The following MSI2 variants were observed in gnomAD, a reference collection of about 807,000 sequenced individuals.
The protein encoded by MSI2 is musashi RNA binding protein 2.
Under a neutral mutation model 45.6 loss-of-function variants are expected in MSI2, and 17 were observed. The ratio of observed to expected loss-of-function variants is 0.37; its 90% CI spans 0.26 to 0.56. The LOEUF is 0.56. Among genes scored for constraint, MSI2 ranks in the 20% least tolerant of loss-of-function variants. The probability of loss-of-function intolerance (pLI) is 0.77; values close to 1 mark genes in which losing one functional copy is unlikely to be tolerated. For synonymous variants in MSI2, 156 were observed against 158.2 expected, an observed-to-expected ratio of 0.99 and a Z score of 0.11; for missense variants, 293 against 444.2, an observed-to-expected ratio of 0.66 and a Z score of 3.06.
At chr17:57,339,242 C>T (rs1206563537) in intron 5 of MSI2, among the ~76,000 whole-genome samples, 5 of 152,180 alleles carry the variant, frequency 3.3e-5, no homozygotes, top group South Asian at 4.1e-4. Flanking sequence ...GTGGTGGCTT[C>T]GCGTTTGGGC....
At chr17:57,505,507 T>C (rs540887060) in intron 6 of MSI2, among the ~76,000 whole-genome samples, 12 of 152,314 alleles carry the variant, frequency 7.9e-5, no homozygotes, top group African/African-American at 2.9e-4. Flanking sequence ...TCTTCCAGAC[T>C]TACTGAACAA....
intron 11 of MSI2, among the ~76,000 whole-genome samples, chr17:57,666,959 C>T (rs1016510438): frequency 2.9e-4 from 44 of 152,224 alleles, no homozygotes; most frequent in African/African-American, 1.1e-3. Context: ...AGCCACCAAA[C>T]TGTAAGAGAC....
In MSI2 at chr17:57,494,743, G is replaced by T. The variant is rs1178053745; in HGVS notation, c.406-34933G>T. ...TCAGTGAGTTGAAGAAACTTGTCCC[G>T]GACCACACACCTGGTCTATGGCCAT... On this transcript the variant is annotated intron_variant, in intron 6 of 13. Coordinates refer to ENST00000284073, the MANE Select transcript of MSI2 (RefSeq NM_138962.4). 4.6e-5 allele frequency among the ~76,000 whole-genome samples: 7 copies of T among 152,042 alleles called. No homozygotes were observed. The East Asian group carries it at 1.2e-3, about 25-fold the overall frequency.
At chr17:57,292,097 G>A (rs1279200207) in intron 5 of MSI2, among the ~76,000 whole-genome samples, 1 of 152,094 alleles carries the variant, frequency 6.6e-6, no homozygotes, top group African/African-American at 2.4e-5. Flanking sequence ...TCGTAGAGGA[G>A]GGGACGCATT....
chr17:57,379,513 G>A (rs1381351338), intron 5 of MSI2, among the ~76,000 whole-genome samples: 1 of 149,132 alleles, frequency 6.7e-6, no homozygotes, highest in Non-Finnish European at 1.5e-5. Flanking sequence ...TCATCTATCA[G>A]GGAGAGAAAA....
At chr17:57,678,310 A>G (rs930102537) in intron 13 of MSI2, among the ~76,000 whole-genome samples, 13 of 152,150 alleles carry the variant, frequency 8.5e-5, no homozygotes, top group African/African-American at 3.1e-4. Context: ...CCTCGCCTCC[A>G]CTTCCCCTTG....
intron 6 of MSI2, among the ~76,000 whole-genome samples, chr17:57,458,592 G>A (rs571806234): frequency 6.6e-6 from 1 of 152,282 alleles, no homozygotes; most frequent in Admixed American, 6.5e-5. Context: ...CTCTGACTGG[G>A]AACTGCTGGC....
chr17:57,614,044 G>A (rs568491250), intron 8 of MSI2, among the ~76,000 whole-genome samples: 12 of 151,968 alleles, frequency 7.9e-5, no homozygotes, highest in African/African-American at 2.2e-4. Flanking sequence ...TTTTATTTTC[G>A]TTTTATTTAT....
intron 7 of MSI2, among the ~76,000 whole-genome samples, chr17:57,573,561 A>G (rs2087934679): frequency 6.6e-6 from 1 of 152,186 alleles, no homozygotes; most frequent in South Asian, 2.1e-4. Flanking sequence ...GAGCCCATAG[A>G]GTGAGGCTGG....
chr17:57,473,108 G>A (rs190543350), intron 6 of MSI2, among the ~76,000 whole-genome samples: 1 of 152,300 alleles, frequency 6.6e-6, no homozygotes, highest in East Asian at 1.9e-4. Context: ...GGCCAGGCTG[G>A]TCTTGAACTT....
At chr17:57,427,664 TAC>T (rs1279114300) in intron 6 of MSI2, among the ~76,000 whole-genome samples, 2 of 152,212 alleles carry the variant, frequency 1.3e-5, no homozygotes, top group African/African-American at 4.8e-5. Flanking sequence ...TAATTATTAA[TAC>T]ATTGAATTAC....
At chr17:57,554,318 T>G (rs2087380592) in intron 7 of MSI2, among the ~76,000 whole-genome samples, 1 of 152,068 alleles carries the variant, frequency 6.6e-6, no homozygotes, top group Non-Finnish European at 1.5e-5. Flanking sequence ...ATTCATAGTT[T>G]TATGGAGCAT....
At chr17:57,463,989 ACG>A (rs1491535557) in intron 6 of MSI2, among the ~76,000 whole-genome samples, 10 of 106,360 alleles carry the variant, frequency 9.4e-5, no homozygotes, top group Admixed American at 4.0e-4. Flanking sequence ...AGTTTAATGA[ACG>A]TGTGTGTGTG....
chr17:57,330,146 A>G (rs1366062744), intron 5 of MSI2, among the ~76,000 whole-genome samples: 2 of 152,112 alleles, frequency 1.3e-5, no homozygotes, highest in South Asian at 2.1e-4. Context: ...AAGGAAAGCC[A>G]TGTGCCTGAG....
chr17:57,448,871 T>G (rs2084946314), intron 6 of MSI2: 1 of 152,282 alleles, frequency 6.6e-6, no homozygotes, highest in African/African-American at 2.4e-5. Flanking sequence ...CTCAGCTTCC[T>G]CATCTGCAAA....
Position 57,680,922 on chromosome 17 carries a change from G to A in MSI2, c.*1405G>A, listed in dbSNP as rs1913559640. On this transcript the variant is annotated 3_prime_UTR_variant, in exon 14 of 14. Transcript: ENST00000284073. ...CCCACATCTGGGGGCCCATGGGCCA[G>A]GAGTGGATAAGCCTGCATTAATACA... is the stretch of plus-strand genomic sequence containing the variant. 5.0e-6 allele frequency: 1 copy of A among 200,522 alleles called. No homozygotes were observed. The highest frequency in any genetic ancestry group is 6.0e-5 in the Admixed American group (1 of 16,550). 12.4% of individuals were successfully genotyped at this position (200,522 alleles called of 1,614,324 possible).
chr17:57,311,472 A>G (rs1400447678), intron 5 of MSI2, among the ~76,000 whole-genome samples: 1 of 152,206 alleles, frequency 6.6e-6, no homozygotes, highest in Non-Finnish European at 1.5e-5. Context: ...AAGAAACCCT[A>G]TATGCTGGGA....
chr17:57,590,169 A>T (rs1904692125), intron 7 of MSI2, among the ~76,000 whole-genome samples: 1 of 152,134 alleles, frequency 6.6e-6, no homozygotes, highest in Non-Finnish European at 1.5e-5. Context: ...AAGTATGTTA[A>T]CTCATGACTT....
At chr17:57,609,825 C>G (rs1242790364) in intron 8 of MSI2, among the ~76,000 whole-genome samples, 1 of 152,200 alleles carries the variant, frequency 6.6e-6, no homozygotes, top group Non-Finnish European at 1.5e-5. Context: ...GCTAAGCATT[C>G]CCCGCTAGGG....
Sources: allele counts gnomAD v4.1 joint callset (sites outside exome capture counted in the v4.1 genomes callset), GRCh38; gene constraint gnomAD v4.1.1; transcripts MANE v1.5; gene names NCBI Gene and HGNC (gene_info 2026-07-23, HGNC 2026-07-21).